Variants in TRA2B observed in about 807,000 individuals in gnomAD.
The protein encoded by TRA2B is transformer-2 protein homolog beta.
Under a neutral mutation model 41.7 loss-of-function variants are expected in TRA2B, and 14 were observed. The observed-to-expected ratio is 0.34, with a 90% CI of 0.22 to 0.53. The LOEUF is 0.53. Among genes scored for constraint, TRA2B ranks in the 20% least tolerant of loss-of-function variants. The pLI is 0.95. For missense variants in TRA2B, 167 were observed against 396.8 expected (o/e 0.42, Z 4.92); for synonymous variants, 130 against 128.8 (o/e 1.01, Z -0.06).
intron 5 of TRA2B, 109 bp from the exon 6 acceptor site, chr3:185,921,296 C>G: frequency 1.1e-6 from 1 of 926,744 alleles, no homozygotes; most frequent in East Asian, 2.5e-5. Context: ...GAAAATTATT[C>G]CTGTTAAAAT....
rs1251700542 is a variant in TRA2B, at chr3:185,915,937, A to G, written c.*1778T>C. ...TTCTCAGCCTTTAATGTATCCATCC[A>G]TAACACAACCCCCTCTGGGACCACA... On this transcript the variant is annotated 3_prime_UTR_variant, in exon 9 of 9. Transcript: ENST00000453386. 1 of 152,208 alleles carries G rather than the reference A, an allele frequency of 6.6e-6. No individual in the cohort carries two copies. The highest frequency in any genetic ancestry group is 1.5e-5 in the Non-Finnish European group (1 of 68,028). 9.4% of individuals were successfully genotyped at this position (152,208 alleles called of 1,614,324 possible).
intron 1 of TRA2B, chr3:185,937,550 C>G: frequency 2.1e-6 from 2 of 968,428 alleles, no homozygotes; most frequent in Non-Finnish European, 2.7e-6. Flanking sequence ...ACGCAGCGGC[C>G]ATTTTCATCT....
At chr3:185,924,120 A>G in intron 3 of TRA2B, 136 bp from the exon 4 acceptor site, 1 of 635,730 alleles carries the variant, frequency 1.6e-6, no homozygotes, top group Non-Finnish European at 2.4e-6. Flanking sequence ...CTGCTTAGAA[A>G]TTACAAAATT....
At chr3:185,929,713 T>C (rs1322650603) in intron 1 of TRA2B, among the ~76,000 whole-genome samples, 1 of 152,190 alleles carries the variant, frequency 6.6e-6, no homozygotes, top group Admixed American at 6.5e-5. Flanking sequence ...ATCCAATCCC[T>C]GTATTATTTT....
At chr3:185,935,438 G>A in intron 1 of TRA2B, 3 of 985,358 alleles carry the variant, frequency 3.0e-6, no homozygotes, top group Non-Finnish European at 3.6e-6. Flanking sequence ...ATTCTATTGA[G>A]TGATCAAACT....
intron 1 of TRA2B, among the ~76,000 whole-genome samples, chr3:185,933,331 A>G (rs2150118991): frequency 6.6e-6 from 1 of 152,310 alleles, no homozygotes; most frequent in East Asian, 1.9e-4. Flanking sequence ...CTAAATTATT[A>G]TAAATATTAG....
chr3:185,929,992 G>A (rs770029626), intron 1 of TRA2B, among the ~76,000 whole-genome samples: 14 of 152,218 alleles, frequency 9.2e-5, no homozygotes, highest in African/African-American at 2.4e-4. Flanking sequence ...AACAGAAGCC[G>A]GCCTCCTCCT....
intron 1 of TRA2B, chr3:185,935,603 GATTTAC>G (rs1340253539): frequency 2.8e-5 from 28 of 985,296 alleles, no homozygotes; most frequent in Non-Finnish European, 3.0e-5. Flanking sequence ...AGAGATTAGT[GATTTAC>G]ATTAAGACCC....
intron 1 of TRA2B, chr3:185,934,904 T>A: frequency 1.0e-6 from 1 of 985,452 alleles, no homozygotes; most frequent in Non-Finnish European, 1.2e-6. Flanking sequence ...GAGTATCTGC[T>A]GGGTCAAAAC....
In TRA2B at chr3:185,934,571, TCA is replaced by T. The variant is rs1744275749; in HGVS notation, c.36+3252_36+3253del. On this transcript the variant is annotated intron_variant, in intron 1 of 8. Transcript: ENST00000453386. ...AAGAGACTGATAAACCTAACCAGAC[TCA>T]CAATACAAAACAATTTCCTCCTATT... 5.1e-6 allele frequency: 5 copies of T among 985,296 alleles called. No homozygotes were observed. In the South Asian group the frequency reaches 2.3e-4, roughly 46 times the overall value. 61.0% of individuals were successfully genotyped at this position (985,296 alleles called of 1,614,324 possible). A position where few individuals can be genotyped will look rare whatever the true frequency, so the allele number is the denominator to read the frequency against.
intron 1 of TRA2B, chr3:185,931,903 A>C: frequency 7.8e-7 from 1 of 1,279,846 alleles, no homozygotes; most frequent in Non-Finnish European, 1.0e-6. Context: ...CCAGGATAAA[A>C]TCCAGTGCCA....
chr3:185,921,851 G>C (rs1743751611), intron 5 of TRA2B, among the ~76,000 whole-genome samples, 160 bp downstream of exon 5: 1 of 152,164 alleles, frequency 6.6e-6, no homozygotes, highest in Non-Finnish European at 1.5e-5. Context: ...TGTAATGGTT[G>C]AACTTCTACT....
chr3:185,919,722 A>T (rs954193607), intron 6 of TRA2B, among the ~76,000 whole-genome samples: 1 of 152,210 alleles, frequency 6.6e-6, no homozygotes, highest in African/African-American at 2.4e-5. Flanking sequence ...CTTAAAAAAA[A>T]AAATCAAACT....
chr3:185,935,013 C>T, intron 1 of TRA2B: 1 of 985,416 alleles, frequency 1.0e-6, no homozygotes, highest in African/African-American at 1.7e-5. Context: ...TATTGAGAGG[C>T]TCAGAACATT....
intron 1 of TRA2B, among the ~76,000 whole-genome samples, chr3:185,932,551 C>G (rs770535231): frequency 6.6e-6 from 1 of 152,168 alleles, no homozygotes; most frequent in East Asian, 1.9e-4. Flanking sequence ...GAATCCAACA[C>G]TGGTATTTTC....
chr3:185,922,174 A>C, intron 4 of TRA2B, 48 bp from the exon 5 acceptor site: 1 of 1,383,658 alleles, frequency 7.2e-7, no homozygotes. Flanking sequence ...CAAAGCCACT[A>C]ATTATCCTGT....
At chr3:185,937,349 C>T in intron 1 of TRA2B, 1 of 995,310 alleles carries the variant, frequency 1.0e-6, no homozygotes, top group Non-Finnish European at 1.2e-6. Context: ...CGTCTGTCCC[C>T]TTGCACCCCA....
chr3:185,925,203 G>C, intron 3 of TRA2B: 1 of 351,546 alleles, frequency 2.8e-6, no homozygotes, highest in East Asian at 5.9e-5. Context: ...CTACAGTATA[G>C]TAATGCAGTC....
Position 185,916,114 on chromosome 3 carries a change from TACC to T in TRA2B, c.*1598_*1600del, listed in dbSNP as rs1743492231. The T allele has an allele frequency of 6.6e-6, 1 of 152,208 alleles. No individual in the cohort carries two copies. Among genetic ancestry groups the T allele is most frequent in the Non-Finnish European group, 1.5e-5 (1 of 68,046 alleles). 9.4% of individuals were successfully genotyped at this position (152,208 alleles called of 1,614,324 possible). ...GGGTAGTTCTCTAAGCATATTAATT[TACC>T]ACAAGTTGGCAAACACTGAAAACAC... is the stretch of plus-strand genomic sequence containing the variant. On this transcript the variant is annotated 3_prime_UTR_variant, in exon 9 of 9. Transcript: ENST00000453386.
Sources: gnomAD v4.1 joint callset for allele counts (sites outside exome capture counted in the v4.1 genomes callset) on GRCh38, gnomAD v4.1.1 for gene constraint, MANE v1.5 for transcripts, NCBI Gene and HGNC (gene_info 2026-07-23, HGNC 2026-07-21) for gene names.